Variants in TENM3 observed in about 807,000 individuals in gnomAD.
TENM3 encodes the protein teneurin-3.
A neutral mutation model predicts 255.1 loss-of-function variants in TENM3; 63 were observed. The ratio of observed to expected loss-of-function variants is 0.25; its 90% confidence interval spans 0.20 to 0.30. The LOEUF (loss-of-function observed/expected upper bound fraction) is 0.30. Ranked by LOEUF, TENM3 falls within the 10% of genes least tolerant of loss-of-function variation. The pLI is 1.00. For missense variants in TENM3, 2,929 were observed against 3,461.1 expected, an observed-to-expected ratio of 0.85 and a Z score of 3.86; for synonymous variants, 1,306 against 1,322.3, an observed-to-expected ratio of 0.99 and a Z score of 0.27.
chr4:181,608,889 G>A, the TENM3 span, among the ~76,000 whole-genome samples: 144 of 152,254 alleles, frequency 9.5e-4, no homozygotes, highest in Middle Eastern at 3.4e-3. Flanking sequence ...ATTCACACCC[G>A]CTAATAGTAG....
chr4:181,951,018 G>T, the TENM3 span, among the ~76,000 whole-genome samples: 4 of 151,964 alleles, frequency 2.6e-5, no homozygotes, highest in Admixed American at 2.6e-4. Flanking sequence ...CTCCAGCCTG[G>T]GCAACAGAGC....
intron 1 of TENM3, among the ~76,000 whole-genome samples, chr4:182,174,529 CACAA>C (rs777372185): frequency 8.0e-5 from 12 of 150,350 alleles, no homozygotes; most frequent in African/African-American, 2.2e-4. Context: ...CACACACACA[CACAA>C]ACACACACTT....
intron 24 of TENM3, among the ~76,000 whole-genome samples, chr4:182,780,835 A>C (rs1417673720): frequency 2.0e-5 from 3 of 151,080 alleles, no homozygotes; most frequent in African/African-American, 4.9e-5. Flanking sequence ...ATGGGAGTTC[A>C]CTCCTGATTT....
At chr4:182,299,365 A>G (rs1004279313) in intron 1 of TENM3, among the ~76,000 whole-genome samples, 1 of 152,220 alleles carries the variant, frequency 6.6e-6, no homozygotes, top group Non-Finnish European at 1.5e-5. Context: ...TTGAATCAAT[A>G]TGGAGCAAGT....
intron 2 of TENM3, among the ~76,000 whole-genome samples, chr4:182,328,176 A>T (rs1284383101): frequency 2.0e-5 from 3 of 152,096 alleles, no homozygotes; most frequent in Admixed American, 6.5e-5. Flanking sequence ...CTTATTCTTT[A>T]TTTGTAGAGT....
At chr4:181,665,296 T>G in the TENM3 span, among the ~76,000 whole-genome samples, 1 of 152,154 alleles carries the variant, frequency 6.6e-6, no homozygotes, top group East Asian at 1.9e-4. Flanking sequence ...ATTACTGAAG[T>G]AGTATATAAG....
At chr4:182,161,863 G>GTATATATATACATA (rs1182562428) in intron 1 of TENM3, among the ~76,000 whole-genome samples, 2 of 15,762 alleles carry the variant, frequency 1.3e-4, no homozygotes, top group Admixed American at 1.2e-3. Context: ...ATATATATGT[G>GTATATATATACATA]TATATATGTG....
At chr4:182,586,311 A>T (rs1434709133) in intron 3 of TENM3, among the ~76,000 whole-genome samples, 1 of 152,190 alleles carries the variant, frequency 6.6e-6, no homozygotes, top group African/African-American at 2.4e-5. Flanking sequence ...CCAAACAATT[A>T]TAGGACCTTA....
At chr4:182,503,781 T>C (rs1736549526) in intron 3 of TENM3, among the ~76,000 whole-genome samples, 1 of 152,070 alleles carries the variant, frequency 6.6e-6, no homozygotes, top group Admixed American at 6.6e-5. Flanking sequence ...ATGGGAAATA[T>C]GATGAGGAAA....
chr4:181,825,272 G>A, the TENM3 span, among the ~76,000 whole-genome samples: 1 of 151,952 alleles, frequency 6.6e-6, no homozygotes, highest in African/African-American at 2.4e-5. Context: ...GTGTTGGCGT[G>A]AGCCTGTACT....
the TENM3 span, among the ~76,000 whole-genome samples, chr4:181,583,993 G>A: frequency 5.6e-3 from 857 of 152,236 alleles, 11 homozygotes; most frequent in African/African-American, 0.02. Context: ...AGATTTAGTT[G>A]ATTAAGATCT....
chr4:182,600,882 T>TATAA (rs1553996134), intron 3 of TENM3, 42 bp from the exon 4 acceptor site: 17 of 1,014,954 alleles, frequency 1.7e-5, no homozygotes, highest in African/African-American at 3.3e-5. Flanking sequence ...TATATATATA[T>TATAA]AATGAGTTCT....
chr4:181,493,740 A>T, the TENM3 span, among the ~76,000 whole-genome samples: 1 of 152,180 alleles, frequency 6.6e-6, no homozygotes, highest in East Asian at 1.9e-4. Flanking sequence ...GCAAAACTCC[A>T]TCTCAAAAAG....
At chr4:182,680,758 A>G (rs751608554) in intron 10 of TENM3, 21 bp downstream of exon 10, 1 of 1,511,984 alleles carries the variant, frequency 6.6e-7, no homozygotes, top group East Asian at 2.3e-5. Flanking sequence ...CAATATTCAC[A>G]GAAGTCTGTT....
the TENM3 span, among the ~76,000 whole-genome samples, chr4:181,921,457 G>A: frequency 5.3e-5 from 8 of 152,278 alleles, no homozygotes; most frequent in East Asian, 9.7e-4. Flanking sequence ...CACGTCCCTT[G>A]TAAGTTGGAT....
intron 1 of TENM3, among the ~76,000 whole-genome samples, chr4:182,205,024 C>T (rs990046250): frequency 6.6e-6 from 1 of 152,196 alleles, no homozygotes; most frequent in Non-Finnish European, 1.5e-5. Context: ...GATTTGCAGT[C>T]TTCTTTATGC....
the TENM3 span, among the ~76,000 whole-genome samples, chr4:181,783,903 G>T: frequency 6.6e-5 from 10 of 152,210 alleles, no homozygotes; most frequent in African/African-American, 2.4e-4. Context: ...GTCTCACTAT[G>T]TTGCCCAGGC....
chr4:181,627,181 G>T, the TENM3 span, among the ~76,000 whole-genome samples: 45 of 152,254 alleles, frequency 3.0e-4, no homozygotes, highest in African/African-American at 1.1e-3. Flanking sequence ...CACCTGAGGG[G>T]TGCTTAATAT....
At chr4:181,583,690 A>T in the TENM3 span, among the ~76,000 whole-genome samples, 13 of 152,200 alleles carry the variant, frequency 8.5e-5, no homozygotes, top group Non-Finnish European at 1.8e-4. Flanking sequence ...TAACTTGCCC[A>T]TGATTTTGAC....
Sources: gnomAD v4.1 joint callset for allele counts (sites outside exome capture counted in the v4.1 genomes callset) on GRCh38, gnomAD v4.1.1 for gene constraint, MANE v1.5 for transcripts, NCBI Gene and HGNC (gene_info 2026-07-23, HGNC 2026-07-21) for gene names.